DCAF5: variants seen among roughly 807,000 people sequenced by gnomAD.
The protein encoded by DCAF5 is DDB1- and CUL4-associated factor 5.
In DCAF5, 9 loss-of-function variants were observed where a neutral mutation model predicts 80.7. The observed-to-expected ratio is 0.11, with a 90% CI of 0.07 to 0.19. The LOEUF (loss-of-function observed/expected upper bound fraction) is 0.19. DCAF5 is among the 10% of genes least tolerant of loss of function. The pLI is 1.00. For missense variants in DCAF5, 842 were observed against 1,205.7 expected (o/e 0.70, Z 4.47); for synonymous variants, 433 against 461.9 (o/e 0.94, Z 0.80).
rs372710662 is a variant in DCAF5, at chr14:69,054,625, C to T, written c.2061G>A (p.Gly687=). 1.2e-6 allele frequency: 2 copies of T among 1,614,016 alleles called. No individual in the cohort carries two copies. Among genetic ancestry groups the T allele is most frequent in the African/African-American group, 2.7e-5 (2 of 74,920 alleles). Residue 687 remains glycine, a synonymous_variant, in exon 9 of 9, where the codon GGG becomes GGA. Transcript: ENST00000341516. ...TTCCTGCTCTCCCTTCATCTGCCTC[C>T]CCGGTCACCAAGGAGGTCTCTCCAT... The part of the protein sequence containing the change: ...NKDGETSLVT[G]EADEGRAGTS...
At chr14:69,103,755 T>C (rs1318700227) in intron 5 of DCAF5, among the ~76,000 whole-genome samples, 1 of 152,220 alleles carries the variant, frequency 6.6e-6, no homozygotes, top group African/African-American at 2.4e-5. Flanking sequence ...CAAGACTCCC[T>C]CATGCAACTT....
At chr14:69,120,146 C>A (rs1174674622) in intron 2 of DCAF5, among the ~76,000 whole-genome samples, 1 of 151,996 alleles carries the variant, frequency 6.6e-6, no homozygotes, top group African/African-American at 2.4e-5. Flanking sequence ...TGCAGTGGTG[C>A]AATCATGGTT....
At chr14:69,146,669 G>C (rs956778522) in intron 1 of DCAF5, among the ~76,000 whole-genome samples, 2 of 152,136 alleles carry the variant, frequency 1.3e-5, no homozygotes, top group East Asian at 3.8e-4. Flanking sequence ...TAAAACACCA[G>C]CTTTTTGAAA....
At position 69,055,122 on chromosome 14, in the gene DCAF5, T is replaced by C; in HGVS notation, c.1564A>G (p.Lys522Glu). The change falls in exon 9 of 9, where the codon AAA becomes GAA. Residue 522 changes from lysine (K) to glutamate (E), a missense_variant. This residue lies in a region of DCAF5 where 607 missense variants were observed against 656.6 expected (regional missense o/e 0.92). Transcript: ENST00000341516. The surrounding 1 kb of genome is among the most constrained non-coding windows in gnomAD (Gnocchi z 5.6). ...RLSALRRYQDKRLLALSNESD... is the reference protein window; with the variant it reads ...RLSALRRYQDERLLALSNESD... ...TCATTGGAAAGGGCCAGGAGGCGTT[T>C]GTCTTGGTAGCGCCGCAGAGCAGAC... 1.9e-6 allele frequency: 3 copies of C among 1,614,220 alleles called. No individual in the cohort carries two copies. The highest frequency in any genetic ancestry group is 2.5e-6 in the Non-Finnish European group (3 of 1,180,036).
chr14:69,053,671 T>C lies in DCAF5; in HGVS notation c.*186A>G, dbSNP rs2037834175. The C allele has an allele frequency of 3.3e-6, 2 of 597,294 alleles. No individual in the cohort carries two copies. Among genetic ancestry groups the C allele is most frequent in the South Asian group, 2.2e-5 (1 of 44,648 alleles). 37.0% of individuals were successfully genotyped at this position (597,294 alleles called of 1,614,324 possible). On this transcript the variant is annotated 3_prime_UTR_variant, in exon 9 of 9. Transcript: ENST00000341516. ...CCTTTCTTAACACAGCACAAGCCAA[T>C]GGCCAGCTAGACATTCAGACCCGTT...
chr14:69,076,892 C>T (rs1480542309), intron 6 of DCAF5, among the ~76,000 whole-genome samples: 1 of 152,168 alleles, frequency 6.6e-6, no homozygotes, highest in Non-Finnish European at 1.5e-5. Flanking sequence ...TTCCTTACTG[C>T]CAGCTGATAT....
At position 69,062,471 on chromosome 14, in the gene DCAF5, C is replaced by T; in HGVS notation, c.987G>A (p.Leu329=). 6.2e-7 allele frequency: 1 copy of T among 1,613,674 alleles called. No homozygotes were observed. The highest frequency in any genetic ancestry group is 1.1e-5 in the South Asian group (1 of 91,018). The stretch of plus-strand genomic sequence containing the variant: ...GGTTAACAATAGATCGATGCCCTTT[C>T]AGCACCATGAAGGCTCCGTTGACCA... ...GRVVNGAFMV[L]KGHRSIVNQV... The change falls in exon 8 of 9, where the codon CTG becomes CTA. Residue 329 remains leucine (L), a synonymous_variant. Transcript: ENST00000341516.
At chr14:69,145,044 T>A (rs1334765848) in intron 1 of DCAF5, among the ~76,000 whole-genome samples, 1 of 152,210 alleles carries the variant, frequency 6.6e-6, no homozygotes, top group Non-Finnish European at 1.5e-5. Context: ...CATATCAACA[T>A]AACACTTTTA....
intron 5 of DCAF5, among the ~76,000 whole-genome samples, chr14:69,098,910 A>G (rs1261046008): frequency 2.3e-5 from 3 of 130,014 alleles, no homozygotes; most frequent in African/African-American, 5.6e-5. Context: ...AAAAAAAAAA[A>G]AAAAAGAAAA....
chr14:69,075,128 GA>G (rs925145531), intron 7 of DCAF5, among the ~76,000 whole-genome samples: 1 of 151,052 alleles, frequency 6.6e-6, no homozygotes, highest in Non-Finnish European at 1.5e-5. Flanking sequence ...TTTTTAGGAG[GA>G]AAAAAAAATC....
intron 8 of DCAF5, among the ~76,000 whole-genome samples, chr14:69,059,891 G>A (rs1321878265): frequency 6.6e-6 from 1 of 152,186 alleles, no homozygotes. Flanking sequence ...AGTTCAGTCT[G>A]GATAACCTCA....
At chr14:69,079,799 T>C (rs1174604443) in intron 6 of DCAF5, among the ~76,000 whole-genome samples, 1 of 152,134 alleles carries the variant, frequency 6.6e-6, no homozygotes, top group East Asian at 1.9e-4. Context: ...TACAGACATA[T>C]ATAATGTGGG....
chr14:69,104,718 G>T (rs1423908589), intron 5 of DCAF5, among the ~76,000 whole-genome samples: 1 of 152,000 alleles, frequency 6.6e-6, no homozygotes, highest in Non-Finnish European at 1.5e-5. Flanking sequence ...TTAGCCGAGT[G>T]TAGCAGCGGG....
At chr14:69,136,808 T>A (rs563720967) in intron 1 of DCAF5, among the ~76,000 whole-genome samples, 2 of 152,254 alleles carry the variant, frequency 1.3e-5, no homozygotes, top group Admixed American at 1.3e-4. Flanking sequence ...CAAAGACTTA[T>A]CCAGCCCAAA....
At chr14:69,073,313 T>C (rs1244639992) in intron 7 of DCAF5, among the ~76,000 whole-genome samples, 6 of 152,038 alleles carry the variant, frequency 3.9e-5, no homozygotes, top group Non-Finnish European at 7.4e-5. Context: ...GAGAACACAG[T>C]GAGAAGGTGG....
intron 7 of DCAF5, among the ~76,000 whole-genome samples, chr14:69,066,284 A>G (rs1039777552): frequency 6.6e-6 from 1 of 151,870 alleles, no homozygotes; most frequent in African/African-American, 2.4e-5. Flanking sequence ...ACAGGCGCAC[A>G]CCACCACGCC....
chr14:69,066,938 G>A (rs188557084), intron 7 of DCAF5, among the ~76,000 whole-genome samples: 1 of 152,356 alleles, frequency 6.6e-6, no homozygotes, highest in African/African-American at 2.4e-5. Flanking sequence ...TGAAAGCAAT[G>A]TGGTCAAGAT....
At chr14:69,092,741 TAAG>T (rs1257924704) in intron 5 of DCAF5, among the ~76,000 whole-genome samples, 1 of 152,224 alleles carries the variant, frequency 6.6e-6, no homozygotes, top group Non-Finnish European at 1.5e-5. Context: ...AGCATGATAA[TAAG>T]TATTAAAGAC....
chr14:69,118,222 C>T lies in DCAF5; in HGVS notation c.452G>A (p.Ser151Asn). ...HEDAVYGLSV[S>N]PVNDNIFASS... ...GGCAAAAATGTTGTCATTCACTGGG[C>T]TCACAGACAAGCCATATACTGCATC... Residue 151 changes from serine (S) to asparagine (N), a missense_variant, in exon 4 of 9, where the codon AGC (serine) becomes AAC (asparagine). Ser to Asn is a conservative substitution (Grantham distance 46). Transcript: ENST00000341516. The surrounding 1 kb of genome is among the most constrained non-coding windows in gnomAD (Gnocchi z 4.0). The T allele has an allele frequency of 1.2e-6, 2 of 1,613,948 alleles. No individual in the cohort carries two copies. Among genetic ancestry groups the T allele is most frequent in the Non-Finnish European group, 1.7e-6 (2 of 1,179,922 alleles).
Sources: gnomAD v4.1 joint callset for allele counts (sites outside exome capture counted in the v4.1 genomes callset) on GRCh38, gnomAD v4.1.1 for gene constraint, gnomAD v4.1.1 regional missense constraint, Gnocchi (gnomAD v3.1) non-coding constraint, MANE v1.5 for transcripts, NCBI Gene and HGNC (gene_info 2026-07-23, HGNC 2026-07-21) for gene names.